TRMT11: variants seen among roughly 807,000 people sequenced by gnomAD.
The protein encoded by TRMT11 is tRNA methyltransferase 11.
Under a neutral mutation model 62.8 loss-of-function variants are expected in TRMT11, and 53 were observed. The ratio of observed to expected loss-of-function variants is 0.84; its 90% confidence interval spans 0.68 to 1.06. The LOEUF (loss-of-function observed/expected upper bound fraction) is 1.06, where lower values mean the gene tolerates loss of function less well. Ranked by LOEUF, TRMT11 falls within the 50% of genes least tolerant of loss-of-function variation. The pLI is 0.00. For missense variants in TRMT11, 556 were observed against 553.4 expected, an observed-to-expected ratio of 1.00 and a Z score of -0.05; for synonymous variants, 188 against 190.3, an observed-to-expected ratio of 0.99 and a Z score of 0.10.
chr6:126,143,669 T>A (rs12214004), intron 21 of TRMT11, among the ~76,000 whole-genome samples: 2 of 152,162 alleles, frequency 1.3e-5, no homozygotes, highest in African/African-American at 4.8e-5. Flanking sequence ...GTTTGGTTTT[T>A]AAAAAAATTA....
chr6:126,113,593 TTGTGTGTCAGCCAA>T (rs1777556142), intron 18 of TRMT11, among the ~76,000 whole-genome samples: 1 of 152,106 alleles, frequency 6.6e-6, no homozygotes, highest in African/African-American at 2.4e-5. Flanking sequence ...TGAGCACTGA[TTGTGTGTCAGCCAA>T]TCTACTAGGC....
chr6:126,093,581 GTATGTATATATA>G (rs1777298645), intron 17 of TRMT11, among the ~76,000 whole-genome samples: 7 of 37,070 alleles, frequency 1.9e-4, no homozygotes, highest in African/African-American at 5.6e-4. Flanking sequence ...AACAGGATAT[GTATGTATATATA>G]TATATATATA....
the TRMT11 span, among the ~76,000 whole-genome samples, chr6:126,232,425 T>C: frequency 6.6e-6 from 1 of 152,024 alleles, no homozygotes. Flanking sequence ...TTTTTTTTTC[T>C]GGTATCTTTA....
At chr6:126,127,645 C>A (rs1777732846) in intron 21 of TRMT11, among the ~76,000 whole-genome samples, 1 of 113,772 alleles carries the variant, frequency 8.8e-6, no homozygotes, top group African/African-American at 3.3e-5. Context: ...CTAATGCTAT[C>A]CCTCCCCCCT....
At chr6:126,059,826 C>T (rs1776479703) in intron 17 of TRMT11, among the ~76,000 whole-genome samples, 1 of 152,136 alleles carries the variant, frequency 6.6e-6, no homozygotes, top group Non-Finnish European at 1.5e-5. Context: ...AGGATAAAGA[C>T]CCTGGCCCAT....
chr6:126,013,243 A>G, intron 11 of TRMT11, 142 bp downstream of exon 11: 2 of 769,554 alleles, frequency 2.6e-6, no homozygotes, highest in Non-Finnish European at 4.0e-6. Context: ...TCAAATGTGT[A>G]TAAAATAGTC....
At chr6:126,126,901 C>A (rs1777725585) in intron 21 of TRMT11, among the ~76,000 whole-genome samples, 1 of 152,074 alleles carries the variant, frequency 6.6e-6, no homozygotes, top group East Asian at 1.9e-4. Flanking sequence ...ACTTCCCACC[C>A]ATGAAAATAC....
intron 7 of TRMT11, among the ~76,000 whole-genome samples, chr6:126,006,498 C>T (rs569385451): frequency 9.9e-5 from 15 of 151,842 alleles, no homozygotes; most frequent in African/African-American, 3.4e-4. Context: ...ATTGAAACAC[C>T]GAGTTGCTAG....
intron 17 of TRMT11, among the ~76,000 whole-genome samples, chr6:126,090,932 C>T (rs978220556): frequency 3.3e-5 from 5 of 152,022 alleles, no homozygotes; most frequent in African/African-American, 1.2e-4. Context: ...TAGCCTAGGC[C>T]GGGTGCGATA....
rs548193785 is a variant in TRMT11, at chr6:126,169,537, C to T, written c.*1824-5288C>T. ...TGAAGATGATTCCTCTTGGTTTTGA[C>T]TGCCTGGATCAGTTCATAAAGCTGG... On this transcript the variant is annotated intron_variant and NMD_transcript_variant, in intron 21 of 22. Transcript: ENST00000648977. Among the ~76,000 whole-genome samples the T allele has an allele frequency of 4.5e-4, 68 of 152,296 alleles. 1 individual carries two copies. The highest frequency in any genetic ancestry group is 6.0e-4 in the African/African-American group (25 of 41,570).
intron 17 of TRMT11, among the ~76,000 whole-genome samples, chr6:126,055,450 T>G (rs951077136): frequency 2.0e-5 from 3 of 152,232 alleles, no homozygotes; most frequent in Non-Finnish European, 2.9e-5. Flanking sequence ...GAATAAAAGA[T>G]ACATGTCTTA....
chr6:126,172,788 G>A (rs142871750), upstream of TRMT11, among the ~76,000 whole-genome samples: 2 of 152,210 alleles, frequency 1.3e-5, no homozygotes, highest in African/African-American at 2.4e-5. Flanking sequence ...TGTTTCATAA[G>A]TTTTTAAACT....
At chr6:126,229,743 C>T in the TRMT11 span, among the ~76,000 whole-genome samples, 1 of 152,248 alleles carries the variant, frequency 6.6e-6, no homozygotes, top group East Asian at 1.9e-4. Flanking sequence ...CCTTAGTCGG[C>T]CTATGAATGA....
the TRMT11 span, among the ~76,000 whole-genome samples, chr6:126,238,300 G>T: frequency 6.6e-6 from 1 of 152,106 alleles, no homozygotes; most frequent in Non-Finnish European, 1.5e-5. Context: ...TAATTGTGAT[G>T]TTAGGGTGTC....
Position 126,035,806 on chromosome 6 carries a change from C to G in TRMT11, c.1261-2899C>G, listed in dbSNP as rs1240693353. The stretch of plus-strand genomic sequence containing the variant: ...TGCTGTTCATTCCCAGTCTCTGACT[C>G]TAATCTTTATATTCTCTGATTTTAT... On this transcript the variant is annotated intron_variant, in intron 12 of 12. Transcript: ENST00000334379. Among the ~76,000 whole-genome samples the G allele has an allele frequency of 4.6e-5, 7 of 152,236 alleles. No individual in the cohort carries two copies. The East Asian group carries it at 1.4e-3, about 29-fold the overall frequency.
the TRMT11 span, among the ~76,000 whole-genome samples, chr6:126,216,682 A>T: frequency 6.6e-6 from 1 of 151,624 alleles, no homozygotes; most frequent in African/African-American, 2.4e-5. Flanking sequence ...TTCATCCTTG[A>T]CCTTTGTGAG....
chr6:126,030,368 A>G (rs1023386783), intron 12 of TRMT11, among the ~76,000 whole-genome samples: 1 of 152,172 alleles, frequency 6.6e-6, no homozygotes, highest in Non-Finnish European at 1.5e-5. Context: ...ACTGTCATTT[A>G]CATTTCATTT....
chr6:126,106,384 A>G (rs1271890625), intron 17 of TRMT11, among the ~76,000 whole-genome samples: 1 of 152,086 alleles, frequency 6.6e-6, no homozygotes, highest in Non-Finnish European at 1.5e-5. Flanking sequence ...GCCTCAAGTG[A>G]TCTGCCTGCC....
At chr6:126,230,799 G>T in the TRMT11 span, among the ~76,000 whole-genome samples, 5 of 151,962 alleles carry the variant, frequency 3.3e-5, no homozygotes, top group Non-Finnish European at 7.4e-5. Context: ...TTTCTGATTT[G>T]AGAAAGCATG....
Sources: gnomAD v4.1 joint callset for allele counts (sites outside exome capture counted in the v4.1 genomes callset) on GRCh38, gnomAD v4.1.1 for gene constraint, MANE v1.5 for transcripts, NCBI Gene and HGNC (gene_info 2026-07-23, HGNC 2026-07-21) for gene names.